The following CNTNAP2 variants were observed in gnomAD, a reference collection of about 807,000 sequenced individuals.
CNTNAP2 encodes the protein contactin associated protein 2.
In CNTNAP2, 98 loss-of-function variants were observed where a neutral mutation model predicts 155.2. The observed-to-expected ratio is 0.63, with a 90% CI of 0.54 to 0.75. The LOEUF (loss-of-function observed/expected upper bound fraction) is 0.75. Ranked by LOEUF, CNTNAP2 falls within the 30% of genes least tolerant of loss-of-function variation. The pLI is 0.00. For missense variants in CNTNAP2, 1,727 were observed against 1,688.1 expected, an observed-to-expected ratio of 1.02 and a Z score of -0.40; for synonymous variants, 651 against 631.2, an observed-to-expected ratio of 1.03 and a Z score of -0.47.
At position 148,006,792 on chromosome 7, in the gene CNTNAP2, C is replaced by T. The variant is rs1379150771; in HGVS notation, c.2383+28803C>T. Among the ~76,000 whole-genome samples, 4 of 151,914 alleles carry T rather than the reference C, an allele frequency of 2.6e-5. No homozygotes were observed. The East Asian group carries it at 7.7e-4, about 29-fold the overall frequency. ...GAATTTATGGAAGAAATCTCTAAAT[C>T]ATATTCCGTTCTTTCATGAAAGTGG... On this transcript the variant is annotated intron_variant, in intron 15 of 23. Coordinates refer to ENST00000361727, the MANE Select transcript of CNTNAP2 (RefSeq NM_014141.6).
At chr7:146,539,321 G>A (rs917167278) in intron 1 of CNTNAP2, among the ~76,000 whole-genome samples, 1 of 151,968 alleles carries the variant, frequency 6.6e-6, no homozygotes, top group African/African-American at 2.4e-5. Flanking sequence ...GCTTTTGGCA[G>A]AGATCAGCAA....
intron 3 of CNTNAP2, among the ~76,000 whole-genome samples, chr7:146,881,433 T>C (rs1795548544): frequency 6.6e-6 from 1 of 152,142 alleles, no homozygotes; most frequent in Non-Finnish European, 1.5e-5. Context: ...AAGTCCTACT[T>C]ACAAAATCAT....
In CNTNAP2 at chr7:147,381,069, A is replaced by G. The variant is rs1019534779; in HGVS notation, c.1499-14540A>G. 3.3e-5 allele frequency among the ~76,000 whole-genome samples: 5 copies of G among 152,104 alleles called. No individual in the cohort carries two copies. The South Asian group carries it at 1.0e-3, about 32-fold the overall frequency. On this transcript the variant is annotated intron_variant, in intron 9 of 23. Coordinates refer to ENST00000361727, the MANE Select transcript of CNTNAP2 (RefSeq NM_014141.6). ...GAGAAACTTGCACGCTACTCCCTCA[A>G]AGCTGTCTAATTCAAGCAAACACTA... is the stretch of plus-strand genomic sequence containing the variant.
At chr7:146,965,294 A>G (rs555449155) in intron 3 of CNTNAP2, among the ~76,000 whole-genome samples, 1 of 152,246 alleles carries the variant, frequency 6.6e-6, no homozygotes, top group South Asian at 2.1e-4. Context: ...CCCATCTCAC[A>G]GTCTTTGGGC....
intron 10 of CNTNAP2, among the ~76,000 whole-genome samples, chr7:147,479,084 A>G (rs1798374170): frequency 6.6e-6 from 1 of 152,200 alleles, no homozygotes; most frequent in South Asian, 2.1e-4. Context: ...TTCTCTAGCT[A>G]AACTCACTGA....
At chr7:146,527,316 A>G (rs1277107023) in intron 1 of CNTNAP2, among the ~76,000 whole-genome samples, 1 of 152,160 alleles carries the variant, frequency 6.6e-6, no homozygotes, top group Non-Finnish European at 1.5e-5. Context: ...ATTCCACTAA[A>G]TTGTGAACTC....
chr7:146,301,756 G>T (rs947006083), intron 1 of CNTNAP2, among the ~76,000 whole-genome samples: 1 of 150,756 alleles, frequency 6.6e-6, no homozygotes, highest in African/African-American at 2.5e-5. Context: ...ATTCACAGTG[G>T]TGCAAGGAAT....
intron 13 of CNTNAP2, among the ~76,000 whole-genome samples, chr7:147,681,328 T>C (rs1795945670): frequency 1.3e-5 from 2 of 151,980 alleles, no homozygotes; most frequent in South Asian, 4.1e-4. Context: ...TAAATAAATA[T>C]CATTCTTCCT....
At chr7:147,143,091 C>T (rs924420760) in intron 8 of CNTNAP2, among the ~76,000 whole-genome samples, 11 of 152,152 alleles carry the variant, frequency 7.2e-5, no homozygotes, top group African/African-American at 9.7e-5. Flanking sequence ...GTACTCCTAA[C>T]GCCACTCATG....
In CNTNAP2 at chr7:146,499,549, T is replaced by C. The variant is rs1232881219; in HGVS notation, c.98-274722T>C. Among the ~76,000 whole-genome samples, 3 of 152,160 alleles carry C rather than the reference T, an allele frequency of 2.0e-5. No individual in the cohort carries two copies. In the South Asian group the frequency reaches 6.2e-4, roughly 32 times the overall value. On this transcript the variant is annotated intron_variant, in intron 1 of 23. Transcript: ENST00000361727. ...ACTATTTTGTGTCATTTGCATTCTA[T>C]ATGAATTTTAGGATTAGCTTCTTTT...
At chr7:146,138,984 T>C (rs1011984734) in intron 1 of CNTNAP2, among the ~76,000 whole-genome samples, 2 of 152,140 alleles carry the variant, frequency 1.3e-5, no homozygotes, top group Non-Finnish European at 2.9e-5. Context: ...CGAAAATGCA[T>C]TGAATACAGC....
At chr7:147,672,526 G>T (rs1056775236) in intron 13 of CNTNAP2, 4 of 152,154 alleles carry the variant, frequency 2.6e-5, no homozygotes, top group African/African-American at 9.7e-5. Context: ...GGGAAACTTT[G>T]GACTGGATTC....
chr7:148,102,935 G>T (rs1285561563), intron 15 of CNTNAP2, among the ~76,000 whole-genome samples: 1 of 152,174 alleles, frequency 6.6e-6, no homozygotes, highest in South Asian at 2.1e-4. Flanking sequence ...GCATAGCTTG[G>T]TTTTATACAT....
At chr7:146,798,890 C>T (rs530908413) in intron 2 of CNTNAP2, among the ~76,000 whole-genome samples, 7 of 152,170 alleles carry the variant, frequency 4.6e-5, no homozygotes, top group African/African-American at 1.7e-4. Context: ...CTGTTCTAGC[C>T]ATTTTCTCAT....
intron 1 of CNTNAP2, among the ~76,000 whole-genome samples, chr7:146,421,404 T>C (rs1796010533): frequency 6.6e-6 from 1 of 152,030 alleles, no homozygotes. Flanking sequence ...TATTACTAGT[T>C]ATAATGATTA....
chr7:147,162,773 C>T (rs947995033), intron 8 of CNTNAP2, among the ~76,000 whole-genome samples: 1 of 152,150 alleles, frequency 6.6e-6, no homozygotes, highest in African/African-American at 2.4e-5. Context: ...AGCATAAAAA[C>T]ATGTCTGACA....
intron 1 of CNTNAP2, among the ~76,000 whole-genome samples, chr7:146,585,594 A>T (rs1798676724): frequency 6.6e-6 from 1 of 152,144 alleles, no homozygotes; most frequent in South Asian, 2.1e-4. Context: ...TTCTCCTATG[A>T]GTGTCAAGTT....
intron 3 of CNTNAP2, among the ~76,000 whole-genome samples, chr7:147,024,559 G>A (rs1193547486): frequency 6.6e-6 from 1 of 152,090 alleles, no homozygotes; most frequent in African/African-American, 2.4e-5. Flanking sequence ...GGCTTAATTG[G>A]CTCATAGTTC....
intron 14 of CNTNAP2, among the ~76,000 whole-genome samples, chr7:147,960,541 A>G (rs1368826410): frequency 6.6e-6 from 1 of 152,208 alleles, no homozygotes; most frequent in Non-Finnish European, 1.5e-5. Context: ...GACAAAGAAC[A>G]TTACACAATA....
Sources: allele counts gnomAD v4.1 joint callset (sites outside exome capture counted in the v4.1 genomes callset), GRCh38; gene constraint gnomAD v4.1.1; transcripts MANE v1.5; gene names NCBI Gene and HGNC (gene_info 2026-07-23, HGNC 2026-07-21).